Variants in LRRC37A2 observed in about 807,000 individuals in gnomAD.
LRRC37A2 encodes the protein leucine-rich repeat-containing protein 37A2.
LRRC37A2 carries 9 observed loss-of-function variants against 68.8 expected under a neutral mutation model. The observed-to-expected ratio is 0.13, with a 90% CI of 0.08 to 0.23. LRRC37A2 has a LOEUF of 0.23. Among genes scored for constraint, LRRC37A2 ranks in the 10% least tolerant of loss-of-function variants. The pLI is 1.00. For missense variants in LRRC37A2, 168 were observed against 950.4 expected (o/e 0.18, Z 10.82); for synonymous variants, 63 against 367.6 (o/e 0.17, Z 9.48).
the LRRC37A2 span, among the ~76,000 whole-genome samples, chr17:46,776,298 A>G: frequency 6.6e-6 from 1 of 152,252 alleles, no homozygotes; most frequent in South Asian, 2.1e-4. Flanking sequence ...CAGTGAGCCC[A>G]GAGCCCTGAT....
chr17:46,835,985 G>A, the LRRC37A2 span, among the ~76,000 whole-genome samples: 1 of 152,108 alleles, frequency 6.6e-6, no homozygotes, highest in South Asian at 2.1e-4. Flanking sequence ...GGGAGACCCT[G>A]GACCTTAAAG....
rs1491555815 is a variant in LRRC37A2, at chr17:46,525,601, A to ATAT, written c.2906+1718_2906+1720dup. ...GACTCTGTCTCAAATAATAATAATA[A>ATAT]TATAATAATAATAATCATCATCATC... On this transcript the variant is annotated intron_variant, in intron 6 of 14. Transcript: ENST00000576629. Among the ~76,000 whole-genome samples, 377 of 53,858 alleles carry ATAT rather than the reference A, an allele frequency of 7.0e-3. 2 individuals are homozygous for ATAT. Among genetic ancestry groups the ATAT allele is most frequent in the African/African-American group, 0.019 (332 of 17,470 alleles). 35.3% of individuals were successfully genotyped at this position (53,858 alleles called of 152,430 possible).
the LRRC37A2 span, among the ~76,000 whole-genome samples, chr17:46,980,357 T>TTC: frequency 3.4e-5 from 5 of 146,268 alleles, no homozygotes; most frequent in Admixed American, 6.9e-5. Context: ...CCTTCCTTCT[T>TTC]CTTTCTTTCT....
chr17:46,776,825 G>A, the LRRC37A2 span, among the ~76,000 whole-genome samples: 2 of 152,110 alleles, frequency 1.3e-5, no homozygotes, highest in African/African-American at 2.4e-5. Context: ...CCACTGGAGC[G>A]GAGAGCTGAG....
At chr17:46,788,368 C>T in the LRRC37A2 span, among the ~76,000 whole-genome samples, 1 of 152,210 alleles carries the variant, frequency 6.6e-6, no homozygotes, top group Non-Finnish European at 1.5e-5. Flanking sequence ...CAGAGTTAGG[C>T]TGCCGTTCTG....
the LRRC37A2 span, among the ~76,000 whole-genome samples, chr17:46,727,108 C>T: frequency 6.6e-6 from 1 of 152,102 alleles, no homozygotes; most frequent in Non-Finnish European, 1.5e-5. Flanking sequence ...TTGCTTATCC[C>T]ACAGAGTAAT....
At chr17:46,773,383 A>G in the LRRC37A2 span, among the ~76,000 whole-genome samples, 1 of 151,988 alleles carries the variant, frequency 6.6e-6, no homozygotes, top group Non-Finnish European at 1.5e-5. Context: ...AAATGTCACA[A>G]ATGTCCACAG....
the LRRC37A2 span, among the ~76,000 whole-genome samples, chr17:46,860,918 G>A: frequency 6.6e-6 from 1 of 152,154 alleles, no homozygotes; most frequent in Non-Finnish European, 1.5e-5. Context: ...GAGTGCAATG[G>A]CTTGATCATA....
chr17:46,775,815 A>G, the LRRC37A2 span, among the ~76,000 whole-genome samples: 4 of 151,198 alleles, frequency 2.6e-5, no homozygotes, highest in Non-Finnish European at 5.9e-5. Flanking sequence ...GGGTTTCACC[A>G]TGTTAGCCAG....
chr17:46,965,460 C>A, the LRRC37A2 span, among the ~76,000 whole-genome samples: 1 of 152,086 alleles, frequency 6.6e-6, no homozygotes, highest in African/African-American at 2.4e-5. Flanking sequence ...GATTGGGGCA[C>A]CCTGGAGCAG....
chr17:46,790,866 C>T, the LRRC37A2 span, among the ~76,000 whole-genome samples: 1 of 152,344 alleles, frequency 6.6e-6, no homozygotes, highest in Middle Eastern at 3.4e-3. Context: ...CACACGCTCA[C>T]GTACATCGGA....
At chr17:46,749,708 G>A in the LRRC37A2 span, 11 of 1,431,888 alleles carry the variant, frequency 7.7e-6, no homozygotes, top group Admixed American at 2.2e-5. Flanking sequence ...TTGTGTTCAA[G>A]CTTACTGTAG....
At chr17:47,025,893 C>G in the LRRC37A2 span, among the ~76,000 whole-genome samples, 6 of 122,140 alleles carry the variant, frequency 4.9e-5, no homozygotes, top group Admixed American at 1.9e-4. Context: ...TCTACTCACT[C>G]CCCCCTATTC....
chr17:46,768,197 G>A, the LRRC37A2 span: 5 of 1,468,700 alleles, frequency 3.4e-6, no homozygotes, highest in African/African-American at 4.2e-5. The surrounding 1 kb of genome is among the most constrained non-coding windows in gnomAD (Gnocchi z 5.0). Context: ...GTGGGAACTT[G>A]TGTGTCTTGG....
the LRRC37A2 span, chr17:46,979,022 G>C: frequency 7.2e-7 from 1 of 1,390,708 alleles, no homozygotes; most frequent in East Asian, 3.1e-5. Flanking sequence ...GCGCGGCGCC[G>C]GGGGTCTCGG....
At chr17:46,766,886 A>G in the LRRC37A2 span, among the ~76,000 whole-genome samples, 1 of 151,930 alleles carries the variant, frequency 6.6e-6, no homozygotes, top group African/African-American at 2.4e-5. Flanking sequence ...CCAATTAACC[A>G]AGCCCTGTCC....
chr17:46,923,184 G>T, the LRRC37A2 span: 1 of 1,537,908 alleles, frequency 6.5e-7, no homozygotes, highest in Non-Finnish European at 8.8e-7. Flanking sequence ...GGCCTGCGGG[G>T]CCGGCGACAT....
At chr17:47,038,067 G>C in the LRRC37A2 span, among the ~76,000 whole-genome samples, 1 of 152,122 alleles carries the variant, frequency 6.6e-6, no homozygotes, top group Admixed American at 6.5e-5. Context: ...ACTTTGGGAG[G>C]CTGCGGTGGG....
At chr17:46,875,220 G>A in the LRRC37A2 span, 1,042 of 1,614,082 alleles carry the variant, frequency 6.5e-4, 1 homozygote, top group Non-Finnish European at 8.3e-4. Context: ...TCCGGGGCTG[G>A]AGAGCCGGCA....
Sources: gnomAD v4.1 joint callset for allele counts (sites outside exome capture counted in the v4.1 genomes callset) on GRCh38, gnomAD v4.1.1 for gene constraint, Gnocchi (gnomAD v3.1) non-coding constraint, MANE v1.5 for transcripts, NCBI Gene and HGNC (gene_info 2026-07-23, HGNC 2026-07-21) for gene names.